KCNIP1: variants seen among roughly 807,000 people sequenced by gnomAD.
KCNIP1 encodes the protein potassium voltage-gated channel interacting protein 1.
KCNIP1 carries 18 observed loss-of-function variants against 33.0 expected under a neutral mutation model. That is an observed-to-expected ratio of 0.55 (90% CI 0.38 to 0.81). The LOEUF is 0.81. Among genes scored for constraint, KCNIP1 ranks in the 30% least tolerant of loss-of-function variants. The probability of loss-of-function intolerance (pLI) is 0.00; values close to 1 mark genes in which losing one functional copy is unlikely to be tolerated. For missense variants in KCNIP1, 238 were observed against 271.6 expected, an observed-to-expected ratio of 0.88 and a Z score of 0.87; for synonymous variants, 93 against 98.3, an observed-to-expected ratio of 0.95 and a Z score of 0.32.
intron 1 of KCNIP1, chr5:170,486,444 G>A (rs1757096389): frequency 6.6e-6 from 1 of 152,194 alleles, no homozygotes; most frequent in Non-Finnish European, 1.5e-5. Context: ...GCAAGGGTTG[G>A]GCACGTGGAC....
At chr5:170,719,031 C>A in intron 2 of KCNIP1, 149 bp downstream of exon 2, 1 of 1,065,828 alleles carries the variant, frequency 9.4e-7, no homozygotes, top group Non-Finnish European at 1.3e-6. Flanking sequence ...AGAGGGAGAT[C>A]ACCTGGCTAG....
chr5:170,589,291 A>G (rs115011838), intron 1 of KCNIP1, among the ~76,000 whole-genome samples: 12,772 of 152,070 alleles, frequency 0.084, 594 homozygotes, highest in South Asian at 0.12. Context: ...GAGGCACCGC[A>G]CCCAGCCAGC....
chr5:170,467,372 C>G (rs1214726715), intron 1 of KCNIP1, among the ~76,000 whole-genome samples: 4 of 152,162 alleles, frequency 2.6e-5, no homozygotes, highest in African/African-American at 9.7e-5. Flanking sequence ...GCAAGTATGG[C>G]AAAGACCACC....
intron 1 of KCNIP1, among the ~76,000 whole-genome samples, chr5:170,435,863 ATCT>A (rs992149679): frequency 6.6e-6 from 1 of 151,650 alleles, no homozygotes; most frequent in African/African-American, 2.4e-5. Flanking sequence ...TTCCTACATC[ATCT>A]TCTTGTTTTC....
At chr5:170,712,568 T>C (rs1446201206) in intron 1 of KCNIP1, among the ~76,000 whole-genome samples, 1 of 152,240 alleles carries the variant, frequency 6.6e-6, no homozygotes, top group Non-Finnish European at 1.5e-5. Context: ...ATCTCTGCCA[T>C]GTGCCATCCC....
intron 1 of KCNIP1, among the ~76,000 whole-genome samples, chr5:170,585,895 G>A (rs1163374603): frequency 1.3e-5 from 2 of 152,192 alleles, no homozygotes; most frequent in Non-Finnish European, 2.9e-5. Context: ...GGCCCTCCAA[G>A]CCCTGCAGGA....
intron 1 of KCNIP1, among the ~76,000 whole-genome samples, chr5:170,439,575 G>C (rs563673493): frequency 6.6e-6 from 1 of 152,200 alleles, no homozygotes; most frequent in Non-Finnish European, 1.5e-5. Flanking sequence ...GGCAGAAGGC[G>C]GAATCCAGCC....
At chr5:170,605,770 C>CTTTTTTTTTT (rs766469605) in intron 1 of KCNIP1, among the ~76,000 whole-genome samples, 1 of 102,348 alleles carries the variant, frequency 9.8e-6, no homozygotes, top group African/African-American at 3.8e-5. Flanking sequence ...CAACCCTGTT[C>CTTTTTTTTTT]TTTTTTTTTT....
chr5:170,672,229 G>T (rs1289555237), intron 1 of KCNIP1, among the ~76,000 whole-genome samples: 3 of 152,058 alleles, frequency 2.0e-5, no homozygotes, highest in Admixed American at 1.3e-4. Flanking sequence ...GAGAGATGAG[G>T]CTGGGGAGGG....
chr5:170,721,654 T>A, intron 3 of KCNIP1, 179 bp from the exon 4 acceptor site: 1 of 1,335,048 alleles, frequency 7.5e-7, no homozygotes, highest in Non-Finnish European at 1.0e-6. Flanking sequence ...TTTTGCTAGA[T>A]CTAACTTCAC....
At chr5:170,360,137 T>C (rs1403269301) in intron 1 of KCNIP1, among the ~76,000 whole-genome samples, 1 of 152,184 alleles carries the variant, frequency 6.6e-6, no homozygotes, top group East Asian at 1.9e-4. Flanking sequence ...TCCTTTGCCA[T>C]GCCACAGGGA....
At chr5:170,454,339 A>G (rs1418905359) in intron 1 of KCNIP1, among the ~76,000 whole-genome samples, 1 of 152,244 alleles carries the variant, frequency 6.6e-6, no homozygotes, top group Non-Finnish European at 1.5e-5. Context: ...TTTGGTATGC[A>G]TACAGGTAGC....
intron 1 of KCNIP1, among the ~76,000 whole-genome samples, chr5:170,463,058 A>C (rs1040382111): frequency 6.6e-6 from 1 of 152,130 alleles, no homozygotes; most frequent in Non-Finnish European, 1.5e-5. Context: ...AAATCTCACA[A>C]ATCACCACCA....
At chr5:170,656,014 G>C (rs968111982) in intron 1 of KCNIP1, among the ~76,000 whole-genome samples, 2 of 152,198 alleles carry the variant, frequency 1.3e-5, no homozygotes, top group Non-Finnish European at 2.9e-5. Context: ...AACAGGCTGG[G>C]TACTGACCTT....
chr5:170,440,536 G>A (rs1755965252), intron 1 of KCNIP1, among the ~76,000 whole-genome samples: 2 of 152,182 alleles, frequency 1.3e-5, no homozygotes, highest in Non-Finnish European at 2.9e-5. Flanking sequence ...CCCTCCTAGG[G>A]GAGAGTCAGA....
intron 1 of KCNIP1, among the ~76,000 whole-genome samples, chr5:170,692,072 A>C (rs1762741793): frequency 6.6e-6 from 1 of 152,174 alleles, no homozygotes; most frequent in Non-Finnish European, 1.5e-5. Flanking sequence ...TGCTTGATAT[A>C]CATGCCCTCA....
intron 1 of KCNIP1, among the ~76,000 whole-genome samples, chr5:170,412,726 C>T (rs1755227932): frequency 6.6e-6 from 1 of 152,076 alleles, no homozygotes; most frequent in Admixed American, 6.5e-5. Context: ...TTCTCTGCTG[C>T]CTCTCACCTC....
At chr5:170,400,092 C>A (rs1754861026) in intron 1 of KCNIP1, among the ~76,000 whole-genome samples, 2 of 152,320 alleles carry the variant, frequency 1.3e-5, no homozygotes, top group East Asian at 1.9e-4. Flanking sequence ...GGAATTCAGG[C>A]CTGTCTCGAC....
chr5:170,362,613 C>A (rs978143516), intron 1 of KCNIP1, among the ~76,000 whole-genome samples: 2 of 152,178 alleles, frequency 1.3e-5, no homozygotes, highest in Admixed American at 1.3e-4. Flanking sequence ...AAACACCACC[C>A]AGCAAGATTT....
Sources: gnomAD v4.1 joint callset for allele counts (sites outside exome capture counted in the v4.1 genomes callset) on GRCh38, gnomAD v4.1.1 for gene constraint, MANE v1.5 for transcripts, NCBI Gene and HGNC (gene_info 2026-07-23, HGNC 2026-07-21) for gene names.